The following DOCK2 variants were observed in gnomAD, a reference collection of about 807,000 sequenced individuals.
DOCK2 encodes dedicator of cytokinesis protein 2.
Under a neutral mutation model 248.9 loss-of-function variants are expected in DOCK2, and 87 were observed. That is an observed-to-expected ratio of 0.35 (90% CI 0.29 to 0.42). The LOEUF is 0.42. Among genes scored for constraint, DOCK2 ranks in the 10% least tolerant of loss-of-function variants. DOCK2 has a pLI of 1.00. For missense variants in DOCK2, 1,747 were observed against 2,300.2 expected (o/e 0.76, Z 4.92); for synonymous variants, 805 against 821.6 (o/e 0.98, Z 0.35).
intron 8 of DOCK2, among the ~76,000 whole-genome samples, chr5:169,685,348 C>T (rs1404331222): frequency 1.3e-5 from 2 of 152,202 alleles, no homozygotes; most frequent in Admixed American, 6.5e-5. Context: ...AGGGAAGAGA[C>T]TTTGCTGCTC....
intron 13 of DOCK2, among the ~76,000 whole-genome samples, chr5:169,700,715 G>A (rs1047075882): frequency 1.3e-4 from 19 of 151,940 alleles, no homozygotes; most frequent in African/African-American, 4.6e-4. Context: ...AAAATTATAG[G>A]AGGGCATTGT....
At chr5:169,711,808 A>C in intron 15 of DOCK2, 127 bp from the exon 16 acceptor site, 1 of 883,578 alleles carries the variant, frequency 1.1e-6, no homozygotes, top group Non-Finnish European at 1.8e-6. Flanking sequence ...GCCTCAATGG[A>C]TGGGTTGTAA....
At chr5:170,030,615 C>G (rs192842952) in intron 34 of DOCK2, among the ~76,000 whole-genome samples, 1 of 152,248 alleles carries the variant, frequency 6.6e-6, no homozygotes, top group African/African-American at 2.4e-5. Context: ...ATCCAAAATC[C>G]AGAATGCTCC....
intron 28 of DOCK2, among the ~76,000 whole-genome samples, chr5:169,983,448 A>T (rs768536803): frequency 3.9e-5 from 6 of 152,170 alleles, no homozygotes; most frequent in Non-Finnish European, 8.8e-5. Flanking sequence ...GGATAATGTC[A>T]TTTATGTCAT....
intron 15 of DOCK2, among the ~76,000 whole-genome samples, chr5:169,710,014 A>G (rs903760900): frequency 1.3e-5 from 2 of 152,220 alleles, no homozygotes; most frequent in African/African-American, 4.8e-5. Flanking sequence ...GGGAGGCTTG[A>G]TGGATCAATG....
At chr5:169,966,717 C>T (rs920077209) in intron 27 of DOCK2, among the ~76,000 whole-genome samples, 1 of 152,158 alleles carries the variant, frequency 6.6e-6, no homozygotes, top group Admixed American at 6.5e-5. Context: ...TCTCCTCACT[C>T]TGGGACAAGT....
intron 25 of DOCK2, among the ~76,000 whole-genome samples, chr5:169,762,861 T>C (rs1764567950): frequency 6.6e-6 from 1 of 152,172 alleles, no homozygotes; most frequent in Non-Finnish European, 1.5e-5. Context: ...ATTCAGGGAG[T>C]GAAGCCTGAA....
intron 9 of DOCK2, among the ~76,000 whole-genome samples, chr5:169,689,860 A>G (rs781220981): frequency 2.0e-5 from 3 of 152,218 alleles, no homozygotes; most frequent in Non-Finnish European, 2.9e-5. Flanking sequence ...CTAAATACCA[A>G]TACTCACTGA....
intron 25 of DOCK2, among the ~76,000 whole-genome samples, chr5:169,795,966 C>T (rs1012993196): frequency 3.3e-5 from 5 of 152,196 alleles, no homozygotes; most frequent in Non-Finnish European, 5.9e-5. Flanking sequence ...TGGCCAAAGC[C>T]GAATGAATTT....
At chr5:169,831,744 A>G (rs1006225465) in intron 26 of DOCK2, among the ~76,000 whole-genome samples, 2 of 152,244 alleles carry the variant, frequency 1.3e-5, no homozygotes, top group Admixed American at 1.3e-4. Flanking sequence ...CTCAAAAGAT[A>G]TTAGCTCTCA....
At chr5:170,027,776 T>C (rs1581538199) in intron 33 of DOCK2, 87 bp from the exon 34 acceptor site, 2 of 1,309,152 alleles carry the variant, frequency 1.5e-6, no homozygotes, top group Non-Finnish European at 1.1e-6. Flanking sequence ...GAGTGCTCCC[T>C]AAAGCTTTGG....
chr5:169,686,669 G>A (rs1298437525), intron 8 of DOCK2, among the ~76,000 whole-genome samples: 1 of 152,202 alleles, frequency 6.6e-6, no homozygotes, highest in Non-Finnish European at 1.5e-5. Context: ...CTGTAGCCAG[G>A]ATCGACATAC....
chr5:170,069,714 G>A (rs1028240049), intron 46 of DOCK2, among the ~76,000 whole-genome samples: 3 of 152,292 alleles, frequency 2.0e-5, no homozygotes, highest in African/African-American at 7.2e-5. Flanking sequence ...GTGGTTGTGA[G>A]TCAAAGGGTC....
chr5:169,911,129 G>GT (rs1358468129), intron 27 of DOCK2, among the ~76,000 whole-genome samples: 1 of 152,120 alleles, frequency 6.6e-6, no homozygotes, highest in Admixed American at 6.5e-5. Context: ...CTTCATTAAT[G>GT]TTTTTATTTT....
intron 44 of DOCK2, among the ~76,000 whole-genome samples, chr5:170,066,205 C>G (rs1757490395): frequency 6.6e-6 from 1 of 151,950 alleles, no homozygotes; most frequent in South Asian, 2.1e-4. Flanking sequence ...CCACCTCGGC[C>G]TCCCGCAAAT....
chr5:169,677,795 C>T (rs562833379), intron 6 of DOCK2, among the ~76,000 whole-genome samples: 1 of 152,150 alleles, frequency 6.6e-6, no homozygotes, highest in Non-Finnish European at 1.5e-5. Flanking sequence ...ACTTTATTTC[C>T]GAAGCCAGCC....
intron 25 of DOCK2, among the ~76,000 whole-genome samples, chr5:169,791,068 C>A (rs1766306880): frequency 6.6e-6 from 1 of 152,218 alleles, no homozygotes; most frequent in Non-Finnish European, 1.5e-5. Flanking sequence ...CAATCCAACA[C>A]TAAACAGGGT....
At chr5:169,846,009 A>G (rs1027842286) in intron 27 of DOCK2, among the ~76,000 whole-genome samples, 2 of 152,194 alleles carry the variant, frequency 1.3e-5, no homozygotes, top group African/African-American at 4.8e-5. Flanking sequence ...CTTAGCACTG[A>G]AGGCCCCAAT....
At chr5:169,995,068 G>T in intron 29 of DOCK2, among the ~76,000 whole-genome samples, 2 of 143,092 alleles carry the variant, frequency 1.4e-5, no homozygotes, top group Admixed American at 7.2e-5. Context: ...TCTCACTATT[G>T]CCCAGGCTGG....
Sources: gnomAD v4.1 joint callset for allele counts (sites outside exome capture counted in the v4.1 genomes callset) on GRCh38, gnomAD v4.1.1 for gene constraint, MANE v1.5 for transcripts, NCBI Gene and HGNC (gene_info 2026-07-23, HGNC 2026-07-21) for gene names.